Variants in CTTNBP2 observed in about 807,000 individuals in gnomAD.
The protein encoded by CTTNBP2 is cortactin-binding protein 2.
CTTNBP2 carries 108 observed loss-of-function variants against 156.9 expected under a neutral mutation model. The ratio of observed to expected loss-of-function variants is 0.69; its 90% CI spans 0.59 to 0.81. The LOEUF (loss-of-function observed/expected upper bound fraction) is 0.81. CTTNBP2 is among the 30% of genes least tolerant of loss of function. CTTNBP2 has a pLI of 0.00. For missense variants in CTTNBP2, 1,924 were observed against 2,035.4 expected, an observed-to-expected ratio of 0.95 and a Z score of 1.05; for synonymous variants, 767 against 751.8, an observed-to-expected ratio of 1.02 and a Z score of -0.33.
intron 16 of CTTNBP2, among the ~76,000 whole-genome samples, chr7:117,729,040 T>C (rs1795259502): frequency 6.6e-6 from 1 of 152,118 alleles, no homozygotes. Context: ...AGACCACATG[T>C]AGAGGAAGGG....
chr7:117,805,985 A>G (rs921883104), intron 3 of CTTNBP2, among the ~76,000 whole-genome samples: 1 of 152,232 alleles, frequency 6.6e-6, no homozygotes, highest in African/African-American at 2.4e-5. Flanking sequence ...GCAGGACCAC[A>G]TACTAAGTTA....
At chr7:117,774,784 C>T (rs888197296) in intron 8 of CTTNBP2, among the ~76,000 whole-genome samples, 8 of 151,858 alleles carry the variant, frequency 5.3e-5, no homozygotes, top group Admixed American at 6.6e-5. Context: ...TGGGTAGCAA[C>T]GATACTACTA....
At position 117,780,558 on chromosome 7, in the gene CTTNBP2, G is replaced by A; in HGVS notation, c.2406C>T (p.Asn802=). The part of the protein sequence containing the change: ...CVELLISYDA[N]INHAADGGQT... ...GTCCTCCATCAGCAGCATGATTAAT[G>A]TTAGCATCATATGAAATTAATAATT... Residue 802 remains asparagine, a synonymous_variant, in exon 7 of 23, where the codon AAC becomes AAT. Transcript: ENST00000160373. The A allele has an allele frequency of 6.3e-7, 1 of 1,589,148 alleles. No homozygotes were observed. The highest frequency in any genetic ancestry group is 2.3e-5 in the East Asian group (1 of 43,648).
intron 12 of CTTNBP2, among the ~76,000 whole-genome samples, chr7:117,751,490 A>C (rs531636595): frequency 2.2e-4 from 33 of 152,360 alleles, no homozygotes; most frequent in African/African-American, 7.9e-4. Flanking sequence ...TAACTAATTT[A>C]CTTGTGACTT....
At chr7:117,774,026 A>G (rs10235887) in intron 8 of CTTNBP2, among the ~76,000 whole-genome samples, 36,550 of 152,080 alleles carry the variant, frequency 0.24, 7,385 homozygotes, top group African/African-American at 0.55. Context: ...AATTTGTTTC[A>G]GTTGCAGGAA....
chr7:117,831,770 C>T (rs1801626096), intron 2 of CTTNBP2, among the ~76,000 whole-genome samples: 1 of 151,954 alleles, frequency 6.6e-6, no homozygotes, highest in Admixed American at 6.5e-5. Context: ...TTATCCTCCT[C>T]GTGACATTCA....
chr7:117,814,677 C>T (rs948791148), intron 2 of CTTNBP2, among the ~76,000 whole-genome samples: 1 of 152,196 alleles, frequency 6.6e-6, no homozygotes, highest in African/African-American at 2.4e-5. Context: ...ATCCTCCTGC[C>T]TCAGCCTCAC....
intron 14 of CTTNBP2, among the ~76,000 whole-genome samples, chr7:117,743,761 C>CA (rs556372208): frequency 0.12 from 2,313 of 19,588 alleles, 668 homozygotes; most frequent in African/African-American, 0.16. Flanking sequence ...GACTCTGTCT[C>CA]AAAAAAAAAA....
chr7:117,724,774 T>C (rs778742652), intron 18 of CTTNBP2, 42 bp from the exon 19 acceptor site: 2 of 1,590,746 alleles, frequency 1.3e-6, no homozygotes, highest in East Asian at 4.5e-5. Flanking sequence ...GCAGTTTCAC[T>C]GATTAAAGCA....
intron 14 of CTTNBP2, among the ~76,000 whole-genome samples, chr7:117,745,138 G>T (rs1470701671): frequency 6.6e-6 from 1 of 152,194 alleles, no homozygotes; most frequent in African/African-American, 2.4e-5. Context: ...TGGGGTATTA[G>T]ACCCTGGAAT....
intron 3 of CTTNBP2, among the ~76,000 whole-genome samples, chr7:117,805,329 A>G (rs200320232): frequency 1.3e-5 from 2 of 152,214 alleles, no homozygotes; most frequent in East Asian, 3.9e-4. Flanking sequence ...AATACAGTAC[A>G]TATAGGAAGC....
intron 2 of CTTNBP2, among the ~76,000 whole-genome samples, chr7:117,825,616 GTCAAACTGGATTTGGATATAGAA>G (rs1291184462): frequency 6.6e-6 from 1 of 152,052 alleles, no homozygotes; most frequent in African/African-American, 2.4e-5. Flanking sequence ...GGGCTCAGAG[GTCAAACTGGATTTGGATATAGAA>G]TCTGTCGCTT....
chr7:117,767,030 A>G (rs1797520520), intron 9 of CTTNBP2, 29 bp downstream of exon 9: 1 of 1,211,842 alleles, frequency 8.3e-7, no homozygotes, highest in African/African-American at 1.5e-5. Context: ...TAGGGGAAAG[A>G]TAAACAATAA....
intron 2 of CTTNBP2, among the ~76,000 whole-genome samples, chr7:117,832,577 T>G (rs1256146744): frequency 1.3e-5 from 2 of 152,020 alleles, no homozygotes; most frequent in African/African-American, 4.8e-5. Flanking sequence ...CCTTTCTCCC[T>G]GTGAAGCTTT....
Position 117,711,717 on chromosome 7 carries a change from C to T in CTTNBP2, c.4812G>A (p.Leu1604=). ...GAAAAGATTTAACTCTTGAAACACCCAACTCAGTCTTTGATTTACTGTTGC... is the reference window on the plus strand; with the variant it reads ...GAAAAGATTTAACTCTTGAAACACCTAACTCAGTCTTTGATTTACTGTTGC... The part of the protein sequence containing the change: ...ECSNSKSKTE[L]GVSRVKSFLP... Residue 1604 remains leucine, a synonymous_variant, in exon 23 of 23, where the codon TTG becomes TTA. Coordinates refer to ENST00000160373, the MANE Select transcript of CTTNBP2 (RefSeq NM_033427.3). The T allele has an allele frequency of 1.2e-6, 2 of 1,613,908 alleles. No individual in the cohort carries two copies. The highest frequency in any genetic ancestry group is 2.2e-5 in the South Asian group (2 of 91,074).
rs769726852 is a variant in CTTNBP2 at position 117,791,995 on chromosome 7, G to A, written c.1201C>T (p.Leu401Phe). 3.1e-6 allele frequency: 5 copies of A among 1,613,986 alleles called. No homozygotes were observed. In the African/African-American group the frequency reaches 6.7e-5, roughly 22 times the overall value. ...GTGGGAGGGGCAGCGTTACTGGGAA[G>A]TGGGGGTGTGCTACTGGTTGGATCT... ...TPDPTSSTPP[L>F]PSNAAPPTAQ... Residue 401 changes from leucine to phenylalanine, a missense_variant, in exon 4 of 23, where the codon CTT becomes TTT. Leu to Phe is a conservative substitution (Grantham distance 22). Transcript: ENST00000160373.
intron 2 of CTTNBP2, among the ~76,000 whole-genome samples, chr7:117,845,512 A>T (rs888865301): frequency 4.8e-4 from 71 of 148,988 alleles, no homozygotes; most frequent in African/African-American, 1.4e-3. Context: ...ATTAATAATT[A>T]AAAAAAAGGA....
At chr7:117,835,993 C>T (rs1279058060) in intron 2 of CTTNBP2, among the ~76,000 whole-genome samples, 1 of 152,186 alleles carries the variant, frequency 6.6e-6, no homozygotes, top group Non-Finnish European at 1.5e-5. Flanking sequence ...TAACGTACAG[C>T]ACAGGCCATG....
At position 117,784,245 on chromosome 7, in the gene CTTNBP2, A is replaced by G. The variant is rs772670784; in HGVS notation, c.2272+6T>C. ...AGTGTGTGGTATAAGATCTCGCCAT[A>G]TTTACCTGTATGTCCATTCTTAGCA... On this transcript the variant is annotated splice_donor_region_variant and intron_variant, in intron 5 of 22. Transcript: ENST00000160373. 4 of 1,594,376 alleles carry G rather than the reference A, an allele frequency of 2.5e-6. No individual in the cohort carries two copies. Among genetic ancestry groups the G allele is most frequent in the Non-Finnish European group, 3.4e-6 (4 of 1,172,092 alleles).
Sources: gnomAD v4.1 joint callset for allele counts (sites outside exome capture counted in the v4.1 genomes callset) on GRCh38, gnomAD v4.1.1 for gene constraint, MANE v1.5 for transcripts, NCBI Gene and HGNC (gene_info 2026-07-23, HGNC 2026-07-21) for gene names.